Variants in ZNF385C observed in about 807,000 individuals in gnomAD.
The protein encoded by ZNF385C is zinc finger protein 385C, also known as CTD-2132N18.2.
A neutral mutation model predicts 35.4 loss-of-function variants in ZNF385C; 28 were observed. The ratio of observed to expected loss-of-function variants is 0.79; its 90% CI spans 0.59 to 1.08. The LOEUF (loss-of-function observed/expected upper bound fraction) is 1.08. Ranked by LOEUF, ZNF385C falls within the 50% of genes least tolerant of loss-of-function variation. The pLI is 0.00. For synonymous variants in ZNF385C, 248 were observed against 248.2 expected, an observed-to-expected ratio of 1.00 and a Z score of 0.01; for missense variants, 605 against 595.6, an observed-to-expected ratio of 1.02 and a Z score of -0.16.
chr17:42,096,931 A>AG (rs1424385509), intron 1 of ZNF385C, among the ~76,000 whole-genome samples: 4 of 137,282 alleles, frequency 2.9e-5, no homozygotes, highest in Non-Finnish European at 6.2e-5. Flanking sequence ...TCCCCCTGGT[A>AG]GGGGGGCATG....
intron 2 of ZNF385C, chr17:42,038,610 GA>G (rs3214150): frequency 6.8e-4 from 95 of 140,570 alleles, no homozygotes; most frequent in Middle Eastern, 3.7e-3. Context: ...GAAAATATCA[GA>G]AAAAAAAAAA....
chr17:42,026,702 G>T lies in ZNF385C; in HGVS notation c.*195C>A. 3.2e-6 allele frequency: 2 copies of T among 633,572 alleles called. No individual in the cohort carries two copies. Among genetic ancestry groups the T allele is most frequent in the South Asian group, 3.8e-5 (2 of 52,672 alleles). The allele number at this position is 633,572 out of a possible 1,614,324, so 39.2% of individuals were successfully genotyped here. A position where few individuals can be genotyped will look rare whatever the true frequency, so the allele number is the denominator to read the frequency against. ...GCAGGCAAGCCTAGGATTAACCCTG[G>T]AAGGCCTGCGAAAGGAGGGTGGGGA... On this transcript the variant is annotated 3_prime_UTR_variant, in exon 9 of 9. Transcript: ENST00000692273.
At chr17:42,054,356 C>T (rs1182738365) in intron 2 of ZNF385C, among the ~76,000 whole-genome samples, 8 of 152,226 alleles carry the variant, frequency 5.3e-5, no homozygotes, top group African/African-American at 1.9e-4. Context: ...CCCAGCCTCA[C>T]TCATCCTCTC....
At chr17:42,062,094 G>T (rs2053470660) in intron 2 of ZNF385C, 1 of 152,890 alleles carries the variant, frequency 6.5e-6, no homozygotes, top group Admixed American at 6.5e-5. Flanking sequence ...CCAGGGGTAA[G>T]TTCCTGCCTT....
At chr17:42,081,363 A>T (rs1477210396) in intron 1 of ZNF385C, among the ~76,000 whole-genome samples, 3 of 151,986 alleles carry the variant, frequency 2.0e-5, no homozygotes, top group African/African-American at 7.3e-5. Context: ...AGCCTTGGAA[A>T]ATTCTGATGT....
At chr17:42,030,558 A>G (rs1257508605) in intron 5 of ZNF385C, among the ~76,000 whole-genome samples, 4 of 152,156 alleles carry the variant, frequency 2.6e-5, no homozygotes, top group African/African-American at 9.6e-5. Context: ...TGCACACTCT[A>G]TGTTTCACCA....
chr17:42,058,716 C>T (rs990609031), intron 2 of ZNF385C, among the ~76,000 whole-genome samples: 11 of 152,128 alleles, frequency 7.2e-5, no homozygotes, highest in African/African-American at 2.7e-4. Context: ...AGCGCAGTGG[C>T]GTGATCTCAG....
At chr17:42,041,511 T>C (rs2053021022) in intron 2 of ZNF385C, among the ~76,000 whole-genome samples, 2 of 152,190 alleles carry the variant, frequency 1.3e-5, no homozygotes, top group Admixed American at 1.3e-4. Flanking sequence ...TCTCAAAGCT[T>C]GTTGTGAATT....
chr17:42,086,916 C>T (rs2053815676), intron 1 of ZNF385C, among the ~76,000 whole-genome samples: 2 of 150,428 alleles, frequency 1.3e-5, no homozygotes, highest in Non-Finnish European at 3.0e-5. Context: ...GCAACCTCCA[C>T]CTCCCAGGTT....
At position 42,027,003 on chromosome 17, in the gene ZNF385C, G is replaced by A. The variant is rs781898331; in HGVS notation, c.1406C>T (p.Ala469Val). The A allele has an allele frequency of 1.2e-6, 2 of 1,609,664 alleles. No individual in the cohort carries two copies. The highest frequency in any genetic ancestry group is 2.2e-5 in the East Asian group (1 of 44,852). Residue 469 changes from alanine (A) to valine (V), a missense_variant, in exon 9 of 9, where the codon GCA becomes GTA. Physicochemically the swap from Ala to Val is moderately conservative, Grantham distance 64. Coordinates refer to ENST00000692273, the MANE Select transcript of ZNF385C (RefSeq NM_001392013.1). ...GGGAGCCGGGAAGAGGGTAGTGGCT[G>A]CTGTAGGGGCAGGGCGGAGGGCCAG... ...GPLALRPAPTAATTLFPAPIL... is the reference protein window; with the variant it reads ...GPLALRPAPTVATTLFPAPIL...
chr17:42,041,494 G>A (rs1420822332), intron 2 of ZNF385C, among the ~76,000 whole-genome samples: 1 of 152,112 alleles, frequency 6.6e-6, no homozygotes, highest in Non-Finnish European at 1.5e-5. Context: ...ATACCAGCCC[G>A]AAATCTTCTC....
At position 42,076,490 on chromosome 17, in the gene ZNF385C, C is replaced by T. The variant is rs1407710948; in HGVS notation, c.-2-13432G>A. Among the ~76,000 whole-genome samples the T allele has an allele frequency of 2.6e-5, 4 of 152,106 alleles. No homozygotes were observed. In the East Asian group the frequency reaches 5.8e-4, roughly 22 times the overall value. On this transcript the variant is annotated intron_variant, in intron 1 of 8. Transcript: ENST00000692273. ...CAAAAAAATTAGCTGGGCGTGGTGG[C>T]GGGTGCCTGTAGTCCCAGCTACTCA...
At chr17:42,074,687 C>A (rs1008896784) in intron 1 of ZNF385C, among the ~76,000 whole-genome samples, 2 of 152,208 alleles carry the variant, frequency 1.3e-5, no homozygotes, top group East Asian at 3.8e-4. Context: ...CCGCGCCCGG[C>A]CAAAGATGTT....
At chr17:42,061,736 C>T (rs1424532874) in intron 2 of ZNF385C, 1 of 152,628 alleles carries the variant, frequency 6.6e-6, no homozygotes, top group East Asian at 1.9e-4. Context: ...GAGGCTCAGC[C>T]CCCTCTTCCT....
intron 2 of ZNF385C, among the ~76,000 whole-genome samples, chr17:42,058,915 C>A (rs2053420170): frequency 6.6e-6 from 1 of 152,218 alleles, no homozygotes; most frequent in Admixed American, 6.5e-5. Context: ...CCTCGGCCTC[C>A]CAAAGTGTTG....
At chr17:42,047,454 C>T (rs1555656729) in intron 2 of ZNF385C, among the ~76,000 whole-genome samples, 1 of 151,662 alleles carries the variant, frequency 6.6e-6, no homozygotes, top group Non-Finnish European at 1.5e-5. Context: ...GGATTACAGG[C>T]GCCTGGCCCA....
rs992858951 is a variant in ZNF385C, at chr17:42,039,903, G to A, written c.251-2018C>T. 1.9e-5 allele frequency: 23 copies of A among 1,231,354 alleles called. No homozygotes were observed. In the African/African-American group the frequency reaches 3.3e-4, roughly 17 times the overall value. The allele number at this position is 1,231,354 out of a possible 1,614,324, so 76.3% of individuals were successfully genotyped here. On this transcript the variant is annotated intron_variant, in intron 2 of 8. Transcript: ENST00000692273. Reference sequence around the variant, plus strand: ...GGCCGACCTTGTCCAGCAGGCCAGCGCCCGCGGGCAGCGCCAAAGCCAAGG... The same window carrying A: ...GGCCGACCTTGTCCAGCAGGCCAGCACCCGCGGGCAGCGCCAAAGCCAAGG...
intron 7 of ZNF385C, 83 bp from the exon 8 acceptor site, chr17:42,027,811 T>C: frequency 7.0e-7 from 1 of 1,424,230 alleles, no homozygotes; most frequent in Non-Finnish European, 9.8e-7. Flanking sequence ...TTCCCCTTCC[T>C]CTATCCACAG....
chr17:42,038,802 G>A (rs2052928966), intron 2 of ZNF385C: 1 of 152,222 alleles, frequency 6.6e-6, no homozygotes, highest in Non-Finnish European at 1.5e-5. Context: ...TGGTGAGGAG[G>A]GAAGGAAGGG....
Sources: gnomAD v4.1 joint callset for allele counts (sites outside exome capture counted in the v4.1 genomes callset) on GRCh38, gnomAD v4.1.1 for gene constraint, MANE v1.5 for transcripts, NCBI Gene and HGNC (gene_info 2026-07-23, HGNC 2026-07-21) for gene names.